Variants in PSD3 observed in about 807,000 individuals in gnomAD.
The protein encoded by PSD3 is pleckstrin and Sec7 domain containing 3.
A neutral mutation model predicts 105.5 loss-of-function variants in PSD3; 49 were observed. The ratio of observed to expected loss-of-function variants is 0.46; its 90% CI spans 0.37 to 0.59. The LOEUF is 0.59. Ranked by LOEUF, PSD3 falls within the 20% of genes least tolerant of loss-of-function variation. PSD3 has a pLI of 0.00. For missense variants in PSD3, 1,561 were observed against 1,263.8 expected (o/e 1.24, Z -3.57); for synonymous variants, 557 against 457.8 (o/e 1.22, Z -2.77).
chr8:18,890,851 G>A (rs528871670), intron 2 of PSD3, among the ~76,000 whole-genome samples: 8 of 152,192 alleles, frequency 5.3e-5, no homozygotes, highest in African/African-American at 7.2e-5. Flanking sequence ...AAAAGGGGTC[G>A]AGTGGCAGAA....
chr8:18,724,891 C>G (rs956153442), intron 9 of PSD3, among the ~76,000 whole-genome samples: 2 of 151,998 alleles, frequency 1.3e-5, no homozygotes, highest in African/African-American at 2.4e-5. Context: ...ATCGTAACAA[C>G]TAGATGGGAA....
intron 14 of PSD3, among the ~76,000 whole-genome samples, chr8:18,568,154 A>G (rs1421874078): frequency 6.6e-6 from 1 of 152,164 alleles, no homozygotes; most frequent in Non-Finnish European, 1.5e-5. Context: ...CGTGAGCCAA[A>G]TAAACCTCTC....
intron 1 of PSD3, among the ~76,000 whole-genome samples, chr8:19,011,921 T>C (rs952868071): frequency 6.6e-6 from 1 of 152,188 alleles, no homozygotes; most frequent in African/African-American, 2.4e-5. Flanking sequence ...ATTTAGAATG[T>C]GAAATTAAGA....
chr8:19,056,051 C>T (rs752026722), intron 1 of PSD3, among the ~76,000 whole-genome samples: 1 of 152,238 alleles, frequency 6.6e-6, no homozygotes, highest in Non-Finnish European at 1.5e-5. Flanking sequence ...TTCTTTTCTT[C>T]TCCTTAGTGT....
At chr8:18,894,637 T>C (rs1472479379) in intron 2 of PSD3, among the ~76,000 whole-genome samples, 1 of 152,160 alleles carries the variant, frequency 6.6e-6, no homozygotes, top group Non-Finnish European at 1.5e-5. Flanking sequence ...GTAGATGAGA[T>C]TGTATTCTTT....
intron 4 of PSD3, among the ~76,000 whole-genome samples, chr8:18,828,035 T>C (rs1398416227): frequency 7.3e-6 from 1 of 136,838 alleles, no homozygotes; most frequent in Non-Finnish European, 1.5e-5. Context: ...TACATATATA[T>C]AATATATATA....
At chr8:19,001,465 C>A (rs1826390028) in intron 1 of PSD3, among the ~76,000 whole-genome samples, 1 of 150,916 alleles carries the variant, frequency 6.6e-6, no homozygotes, top group Non-Finnish European at 1.5e-5. Context: ...GTCAATGCAC[C>A]TACACTGACA....
intron 14 of PSD3, among the ~76,000 whole-genome samples, chr8:18,559,403 T>C (rs1387930622): frequency 6.6e-6 from 1 of 152,218 alleles, no homozygotes; most frequent in African/African-American, 2.4e-5. Flanking sequence ...TTACTGGGTT[T>C]CCTCTTCTGT....
At position 18,787,502 on chromosome 8, in the gene PSD3, TA is replaced by T. The variant is rs1251003327; in HGVS notation, c.2082+11792del. On this transcript the variant is annotated intron_variant, in intron 8 of 15. Coordinates refer to ENST00000327040, the MANE Select transcript of PSD3 (RefSeq NM_015310.4). ...AAAATAGATGACAAAGTGGAAAGTT[TA>T]AAAAAAAATTCTATTTGGAACCCCA... Among the ~76,000 whole-genome samples the T allele has an allele frequency of 1.4e-4, 21 of 151,712 alleles. No individual in the cohort carries two copies. The South Asian group carries it at 3.6e-3, about 26-fold the overall frequency.
chr8:18,546,393 G>C (rs766606147), intron 15 of PSD3, among the ~76,000 whole-genome samples: 4 of 152,124 alleles, frequency 2.6e-5, no homozygotes, highest in Non-Finnish European at 5.9e-5. Flanking sequence ...GTCCAATTTT[G>C]AGCTTGTCTT....
At chr8:18,823,743 C>G (rs1024951570) in intron 4 of PSD3, among the ~76,000 whole-genome samples, 4 of 151,548 alleles carry the variant, frequency 2.6e-5, no homozygotes, top group Admixed American at 6.6e-5. Flanking sequence ...CCTCCTCTCT[C>G]CTTACAATTA....
In PSD3 at chr8:18,763,896, A is replaced by C. The variant is rs1806748823; in HGVS notation, c.2172+1553T>G. ...CACTATCATCTTCTCACAACAAAAA[A>C]ACAAATAATACATACTTTCCCATGA... is the stretch of plus-strand genomic sequence containing the variant. On this transcript the variant is annotated intron_variant, in intron 9 of 15. Coordinates refer to ENST00000327040, the MANE Select transcript of PSD3 (RefSeq NM_015310.4). Among the ~76,000 whole-genome samples the C allele has an allele frequency of 1.3e-5, 2 of 152,158 alleles. 1 individual carries two copies. The highest frequency in any genetic ancestry group is 4.1e-4 in the South Asian group (2 of 4,826).
chr8:19,021,657 C>T (rs1827366387), intron 1 of PSD3, among the ~76,000 whole-genome samples: 1 of 151,772 alleles, frequency 6.6e-6, no homozygotes, highest in Non-Finnish European at 1.5e-5. Flanking sequence ...AGTTCCATTC[C>T]TGGTTGACCA....
chr8:18,588,565 CT>C (rs1803363143), intron 12 of PSD3, among the ~76,000 whole-genome samples: 1 of 152,186 alleles, frequency 6.6e-6, no homozygotes, highest in Admixed American at 6.5e-5. Context: ...CTACTATTCA[CT>C]CTTCATAAAT....
intron 4 of PSD3, among the ~76,000 whole-genome samples, chr8:18,815,064 A>T (rs927758390): frequency 6.6e-6 from 1 of 152,170 alleles, no homozygotes; most frequent in Non-Finnish European, 1.5e-5. Context: ...GGTAAAATAT[A>T]CTTATAAATA....
intron 12 of PSD3, among the ~76,000 whole-genome samples, chr8:18,590,120 G>C (rs986040632): frequency 1.8e-4 from 28 of 152,120 alleles, no homozygotes; most frequent in Admixed American, 1.6e-3. Context: ...ATAAAGATCT[G>C]GGTGGACAAA....
intron 11 of PSD3, among the ~76,000 whole-genome samples, chr8:18,627,043 C>T (rs1459802455): frequency 6.6e-6 from 1 of 152,130 alleles, no homozygotes; most frequent in African/African-American, 2.4e-5. Context: ...AGAAACTGCC[C>T]TACTATAATA....
chr8:18,635,530 T>C (rs577935567), intron 10 of PSD3, among the ~76,000 whole-genome samples: 36 of 152,182 alleles, frequency 2.4e-4, no homozygotes, highest in Non-Finnish European at 4.3e-4. Context: ...CTTCTATTTA[T>C]TAAAAAAAAA....
intron 14 of PSD3, among the ~76,000 whole-genome samples, chr8:18,571,979 A>T (rs1802170691): frequency 6.7e-6 from 1 of 148,978 alleles, no homozygotes; most frequent in Non-Finnish European, 1.5e-5. Context: ...CTGACCACAG[A>T]AGGAGGCTTA....
Sources: gnomAD v4.1 joint callset for allele counts (sites outside exome capture counted in the v4.1 genomes callset) on GRCh38, gnomAD v4.1.1 for gene constraint, MANE v1.5 for transcripts, NCBI Gene and HGNC (gene_info 2026-07-23, HGNC 2026-07-21) for gene names.